Variants in SLIT3 observed in about 807,000 individuals in gnomAD.
SLIT3 encodes slit homolog 3 protein.
In SLIT3, 68 loss-of-function variants were observed where a neutral mutation model predicts 184.0. The observed-to-expected ratio is 0.37, with a 90% CI of 0.30 to 0.45. SLIT3 has a LOEUF of 0.45. Ranked by LOEUF, SLIT3 falls within the 20% of genes least tolerant of loss-of-function variation. SLIT3 has a pLI of 1.00. For missense variants in SLIT3, 1,707 were observed against 2,026.0 expected (o/e 0.84, Z 3.02); for synonymous variants, 831 against 828.6 (o/e 1.00, Z -0.05).
chr5:169,113,658 C>CTTT (rs869209479), intron 4 of SLIT3, among the ~76,000 whole-genome samples: 6 of 131,422 alleles, frequency 4.6e-5, no homozygotes, highest in South Asian at 2.5e-4. Context: ...TTTTCTTTTT[C>CTTT]TTTTTTTTTT....
At chr5:168,961,570 T>C (rs1474039887) in intron 4 of SLIT3, among the ~76,000 whole-genome samples, 1 of 152,134 alleles carries the variant, frequency 6.6e-6, no homozygotes, top group Non-Finnish European at 1.5e-5. Context: ...TAGAGAAAAT[T>C]GACCTAATGA....
intron 1 of SLIT3, among the ~76,000 whole-genome samples, chr5:169,281,678 C>T (rs1446101319): frequency 6.6e-6 from 1 of 152,200 alleles, no homozygotes; most frequent in African/African-American, 2.4e-5. Flanking sequence ...ATTAACTTCT[C>T]TGTAACTCAG....
Position 169,301,095 on chromosome 5 carries a change from G to C in SLIT3, c.-386C>G, listed in dbSNP as rs909559149. The C allele has an allele frequency of 2.0e-5, 3 of 153,370 alleles. No homozygotes were observed. Among genetic ancestry groups the C allele is most frequent in the Non-Finnish European group, 4.4e-5 (3 of 68,668 alleles). 9.5% of individuals were successfully genotyped at this position (153,370 alleles called of 1,614,324 possible). A position where few individuals can be genotyped will look rare whatever the true frequency, so the allele number is the denominator to read the frequency against. The stretch of plus-strand genomic sequence containing the variant: ...AGCGCGGCGGCTGCGGCTGGGGCAC[G>C]GGGCGGCCGGGTGAGCTGGCCGGCG... On this transcript the variant is annotated 5_prime_UTR_variant, in exon 1 of 36. Transcript: ENST00000519560.
intron 2 of SLIT3, among the ~76,000 whole-genome samples, chr5:169,245,207 T>C (rs573879388): frequency 3.3e-5 from 5 of 152,228 alleles, no homozygotes; most frequent in East Asian, 3.9e-4. Flanking sequence ...GGTGAGGCTA[T>C]TGTGAAACGA....
At chr5:169,021,852 T>C (rs192257465) in intron 4 of SLIT3, among the ~76,000 whole-genome samples, 1 of 152,350 alleles carries the variant, frequency 6.6e-6, no homozygotes, top group Admixed American at 6.5e-5. Context: ...TGGCAGCCTC[T>C]ATCCACATGG....
intron 5 of SLIT3, among the ~76,000 whole-genome samples, chr5:168,859,312 C>T (rs914062856): frequency 5.3e-5 from 8 of 151,980 alleles, no homozygotes; most frequent in Admixed American, 1.3e-4. Context: ...GTGGGAATTG[C>T]GTGGCTGTCA....
intron 28 of SLIT3, 87 bp downstream of exon 28, chr5:168,696,205 G>T: frequency 6.7e-7 from 1 of 1,499,982 alleles, no homozygotes. Flanking sequence ...CAGGGAGAGA[G>T]GAAGAGAGTC....
chr5:168,710,055 A>G (rs1762504951), intron 25 of SLIT3: 1 of 152,218 alleles, frequency 6.6e-6, no homozygotes, highest in Non-Finnish European at 1.5e-5. Flanking sequence ...TTTCAAACAG[A>G]GAAAGATCTT....
At chr5:168,788,291 C>T (rs1254033331) in intron 11 of SLIT3, among the ~76,000 whole-genome samples, 8 of 152,108 alleles carry the variant, frequency 5.3e-5, no homozygotes, top group Non-Finnish European at 1.0e-4. Context: ...ATGTTCTATT[C>T]GATAAATGAA....
rs141084890 is a variant in SLIT3 at position 169,231,967 on chromosome 5, G to A, written c.341+12738C>T. Among the ~76,000 whole-genome samples the A allele has an allele frequency of 2.4e-4, 36 of 152,192 alleles. No individual in the cohort carries two copies. The South Asian group carries it at 6.0e-3, about 25-fold the overall frequency. On this transcript the variant is annotated intron_variant, in intron 3 of 35. Coordinates refer to ENST00000519560, the MANE Select transcript of SLIT3 (RefSeq NM_003062.4). ...TGGCCACTTCTCTATCTTCTTTTGC[G>A]AAGTGTCCAAAACTCTCACCCATTT...
intron 1 of SLIT3, among the ~76,000 whole-genome samples, chr5:169,293,132 G>A (rs183305234): frequency 2.0e-5 from 3 of 152,248 alleles, no homozygotes; most frequent in East Asian, 1.9e-4. Flanking sequence ...AGGAGACTCC[G>A]GTAAATGGGT....
At chr5:168,708,404 T>C (rs1468529242) in intron 25 of SLIT3, 4 of 448,146 alleles carry the variant, frequency 8.9e-6, no homozygotes, top group African/African-American at 6.0e-5. Context: ...GCACCATAAT[T>C]AGAAACCCCC....
chr5:168,722,936 G>T lies in SLIT3; in HGVS notation c.2408C>A (p.Thr803Asn). 1.9e-6 allele frequency: 3 copies of T among 1,610,734 alleles called. No individual in the cohort carries two copies. The highest frequency in any genetic ancestry group is 2.5e-6 in the Non-Finnish European group (3 of 1,176,858). Residue 803 changes from threonine (T) to asparagine (N), a missense_variant, in exon 22 of 36, where the codon ACT (threonine) becomes AAT (asparagine). Thr to Asn is a moderately conservative substitution (Grantham distance 65). Around this residue, in one of 3 missense-constraint regions of SLIT3, gnomAD observed 1,307 missense variants for 1,511.6 expected, o/e 0.86. Coordinates refer to ENST00000519560, the MANE Select transcript of SLIT3 (RefSeq NM_003062.4). ...YTFSNMSHLS[T>N]LILSYNRLRC... ...CACAGCATCTCAGTGTACTCACAGAGTGGAGAGGTGAGACATGTTACTGAA... is the reference window on the plus strand; with the variant it reads ...CACAGCATCTCAGTGTACTCACAGATTGGAGAGGTGAGACATGTTACTGAA...
At chr5:168,731,316 C>A (rs1439747501) in intron 20 of SLIT3, among the ~76,000 whole-genome samples, 8 of 151,832 alleles carry the variant, frequency 5.3e-5, no homozygotes, top group African/African-American at 1.9e-4. Context: ...CCTAAACTGC[C>A]ACCAAAAAGC....
chr5:168,928,177 C>T (rs1457067514), intron 4 of SLIT3, among the ~76,000 whole-genome samples: 1 of 152,030 alleles, frequency 6.6e-6, no homozygotes, highest in African/African-American at 2.4e-5. Flanking sequence ...GTTTTTTTCA[C>T]CTTCAGGATT....
chr5:169,009,274 C>T (rs552625310), intron 4 of SLIT3, among the ~76,000 whole-genome samples: 4 of 152,220 alleles, frequency 2.6e-5, no homozygotes, highest in South Asian at 4.1e-4. Flanking sequence ...TGCTAATTCG[C>T]TTCTCAGATC....
intron 11 of SLIT3, among the ~76,000 whole-genome samples, chr5:168,786,481 G>A (rs533051897): frequency 1.3e-5 from 2 of 152,300 alleles, no homozygotes; most frequent in Admixed American, 6.5e-5. Context: ...ATCTCCAGAT[G>A]GTGCAGGGAC....
chr5:168,768,072 G>A (rs1755404601), intron 14 of SLIT3: 1 of 391,758 alleles, frequency 2.6e-6, no homozygotes, highest in Non-Finnish European at 5.3e-6. Context: ...GGTGGGTCTG[G>A]CAGGTGGTGG....
chr5:169,142,749 C>T (rs1761787676), intron 4 of SLIT3, among the ~76,000 whole-genome samples: 1 of 152,214 alleles, frequency 6.6e-6, no homozygotes, highest in Admixed American at 6.5e-5. Flanking sequence ...CTCCTACCCC[C>T]ACACCTACTC....
Sources: allele counts gnomAD v4.1 joint callset (sites outside exome capture counted in the v4.1 genomes callset), GRCh38; gene constraint gnomAD v4.1.1; regional missense constraint gnomAD v4.1.1; transcripts MANE v1.5; gene names NCBI Gene and HGNC (gene_info 2026-07-23, HGNC 2026-07-21).